TAFA5: variants seen among roughly 807,000 people sequenced by gnomAD.
The protein encoded by TAFA5 is chemokine-like protein TAFA-5.
In TAFA5, 6 loss-of-function variants were observed where a neutral mutation model predicts 15.3. The observed-to-expected ratio is 0.39, with a 90% CI of 0.21 to 0.77. The LOEUF (loss-of-function observed/expected upper bound fraction) is 0.77. TAFA5 is among the 30% of genes least tolerant of loss of function. TAFA5 has a pLI of 0.41. For synonymous variants in TAFA5, 103 were observed against 80.7 expected (o/e 1.28, Z -1.48); for missense variants, 161 against 193.1 (o/e 0.83, Z 0.98).
intron 2 of TAFA5, among the ~76,000 whole-genome samples, chr22:48,682,154 G>A (rs1426739830): frequency 6.6e-6 from 1 of 152,144 alleles, no homozygotes; most frequent in Non-Finnish European, 1.5e-5. Context: ...CTGTCCTCCT[G>A]CTCCAGGTTG....
At chr22:48,721,448 A>ACTGT (rs1222334103) in intron 3 of TAFA5, among the ~76,000 whole-genome samples, 1 of 152,174 alleles carries the variant, frequency 6.6e-6, no homozygotes, top group Non-Finnish European at 1.5e-5. Flanking sequence ...AACCGGTGCC[A>ACTGT]CTGTCTGATT....
Position 48,539,928 on chromosome 22 carries a change from C to T in TAFA5, c.112+50224C>T, listed in dbSNP as rs141694419. 2.2e-3 allele frequency among the ~76,000 whole-genome samples: 334 copies of T among 152,180 alleles called. 1 individual carries two copies. Among genetic ancestry groups the T allele is most frequent in the African/African-American group, 7.7e-3 (320 of 41,512 alleles). ...GGCAGAAGGTGGGAGGGGATGGGGC[C>T]TTGCCAGGGAGAGGAGTTTGGTTCG... On this transcript the variant is annotated intron_variant, in intron 1 of 3. Transcript: ENST00000402357.
chr22:48,534,391 C>G (rs542161393), intron 1 of TAFA5, among the ~76,000 whole-genome samples: 1 of 152,030 alleles, frequency 6.6e-6, no homozygotes, highest in Non-Finnish European at 1.5e-5. Context: ...GGCGTTCCTC[C>G]GGGGGTCTGC....
intron 1 of TAFA5, among the ~76,000 whole-genome samples, chr22:48,494,736 C>T (rs906869354): frequency 3.9e-5 from 6 of 152,204 alleles, no homozygotes; most frequent in African/African-American, 9.7e-5. Flanking sequence ...CGGACTTCTC[C>T]GCCCTAGAAT....
At chr22:48,591,926 G>A (rs1924584094) in intron 1 of TAFA5, among the ~76,000 whole-genome samples, 1 of 152,206 alleles carries the variant, frequency 6.6e-6, no homozygotes, top group Non-Finnish European at 1.5e-5. Flanking sequence ...GCAGGTGCCT[G>A]GGATGCAGTG....
intron 3 of TAFA5, among the ~76,000 whole-genome samples, chr22:48,743,495 C>T (rs373127573): frequency 1.3e-5 from 2 of 152,208 alleles, no homozygotes; most frequent in African/African-American, 2.4e-5. Context: ...ACCCCATGCA[C>T]AGGTATGGGG....
intron 1 of TAFA5, among the ~76,000 whole-genome samples, chr22:48,604,763 G>A (rs1925098813): frequency 6.6e-6 from 1 of 152,184 alleles, no homozygotes; most frequent in African/African-American, 2.4e-5. Flanking sequence ...AGGAATTTGG[G>A]GAGGATTGAG....
intron 1 of TAFA5, among the ~76,000 whole-genome samples, chr22:48,539,912 T>C (rs1355920310): frequency 1.4e-5 from 2 of 142,492 alleles, no homozygotes; most frequent in Non-Finnish European, 3.0e-5. Flanking sequence ...AGGCAGAAGG[T>C]GGGAGGGGAT....
At position 48,679,841 on chromosome 22, in the gene TAFA5, G is replaced by A. The variant is rs923265299; in HGVS notation, c.263-27876G>A. ...TGTTCCATGAAGCGCCGCCCTCACC[G>A]TGTGGACCGGCCCTGCCCAAGCACT... On this transcript the variant is annotated intron_variant, in intron 2 of 3. Transcript: ENST00000402357. Among the ~76,000 whole-genome samples the A allele has an allele frequency of 1.2e-4, 19 of 152,166 alleles. 1 individual carries two copies. Among genetic ancestry groups the A allele is most frequent in the Middle Eastern group, 3.4e-3 (1 of 294 alleles).
chr22:48,631,738 G>A (rs1926235902), intron 1 of TAFA5, among the ~76,000 whole-genome samples: 1 of 152,220 alleles, frequency 6.6e-6, no homozygotes, highest in Admixed American at 6.5e-5. Flanking sequence ...GACTTAGGGG[G>A]AAATCTGACG....
At chr22:48,696,429 C>G (rs882338) in intron 2 of TAFA5, among the ~76,000 whole-genome samples, 41,591 of 151,948 alleles carry the variant, frequency 0.27, 5,785 homozygotes, top group South Asian at 0.39. Context: ...TCCCTCCTTT[C>G]CTCAGGAACT....
chr22:48,645,434 C>T (rs755877330), intron 1 of TAFA5, among the ~76,000 whole-genome samples: 3 of 152,086 alleles, frequency 2.0e-5, no homozygotes, highest in Non-Finnish European at 4.4e-5. Context: ...CCTGGGCTGT[C>T]GGGCCCTTGC....
chr22:48,522,993 G>C (rs2147108144), intron 1 of TAFA5, among the ~76,000 whole-genome samples: 1 of 152,340 alleles, frequency 6.6e-6, no homozygotes, highest in Admixed American at 6.5e-5. Flanking sequence ...GCGGCAGCTG[G>C]AGCCCCCCAT....
intron 1 of TAFA5, among the ~76,000 whole-genome samples, chr22:48,637,727 G>A (rs1417750278): frequency 1.3e-5 from 2 of 151,988 alleles, no homozygotes; most frequent in Non-Finnish European, 2.9e-5. Flanking sequence ...TGTCTGGGAC[G>A]AGGCAGAGTA....
intron 1 of TAFA5, among the ~76,000 whole-genome samples, chr22:48,512,370 G>A (rs2147102150): frequency 6.6e-6 from 1 of 152,364 alleles, no homozygotes; most frequent in Middle Eastern, 3.4e-3. Flanking sequence ...ACTTTGGGAG[G>A]CGACGGTGGG....
intron 2 of TAFA5, among the ~76,000 whole-genome samples, chr22:48,671,328 C>G (rs1251915057): frequency 6.6e-6 from 1 of 152,224 alleles, no homozygotes; most frequent in East Asian, 1.9e-4. Flanking sequence ...GAAGCCCCAC[C>G]AGCCCTTTCA....
At chr22:48,565,928 A>AGATGGAT (rs1923392190) in intron 1 of TAFA5, among the ~76,000 whole-genome samples, 1 of 152,098 alleles carries the variant, frequency 6.6e-6, no homozygotes, top group Non-Finnish European at 1.5e-5. Context: ...GTAGATGAGT[A>AGATGGAT]GATGGATGAT....
rs529052137 is a variant in TAFA5, at chr22:48,726,859, C to T, written c.390+19015C>T. ...TCAACCCCGGATCTGGAGCCTCAAT[C>T]CCCTGTGTAGGCCACGTTCCATAGG... On this transcript the variant is annotated intron_variant, in intron 3 of 3. Coordinates refer to ENST00000402357, the MANE Select transcript of TAFA5 (RefSeq NM_001082967.3). 9.8e-5 allele frequency among the ~76,000 whole-genome samples: 15 copies of T among 152,342 alleles called. 1 individual carries two copies. In the South Asian group the frequency reaches 1.7e-3, roughly 17 times the overall value.
chr22:48,574,771 G>A (rs1319462051), intron 1 of TAFA5, among the ~76,000 whole-genome samples: 1 of 152,200 alleles, frequency 6.6e-6, no homozygotes, highest in South Asian at 2.1e-4. Flanking sequence ...CACTGGTCTT[G>A]GTACTGGGCT....
Sources: allele counts gnomAD v4.1 joint callset (sites outside exome capture counted in the v4.1 genomes callset), GRCh38; gene constraint gnomAD v4.1.1; transcripts MANE v1.5; gene names NCBI Gene and HGNC (gene_info 2026-07-23, HGNC 2026-07-21).